NEK11: variants seen among roughly 807,000 people sequenced by gnomAD.
The protein encoded by NEK11 is NIMA related kinase 11.
A neutral mutation model predicts 80.7 loss-of-function variants in NEK11; 72 were observed. That is an observed-to-expected ratio of 0.89 (90% CI 0.74 to 1.08). The LOEUF (loss-of-function observed/expected upper bound fraction) is 1.08. Among genes scored for constraint, NEK11 ranks in the 50% least tolerant of loss-of-function variants. NEK11 has a pLI of 0.00. For synonymous variants in NEK11, 251 were observed against 260.7 expected, an observed-to-expected ratio of 0.96 and a Z score of 0.36; for missense variants, 764 against 763.6, an observed-to-expected ratio of 1.00 and a Z score of -0.01.
chr3:131,133,239 C>T (rs1032795543), intron 6 of NEK11: 3 of 454,836 alleles, frequency 6.6e-6, no homozygotes, highest in African/African-American at 2.0e-5. Context: ...GCTTTATTAA[C>T]CTTTAGTTCT....
At chr3:131,336,367 A>G (rs1312228356) in intron 17 of NEK11, among the ~76,000 whole-genome samples, 2 of 152,248 alleles carry the variant, frequency 1.3e-5, no homozygotes, top group African/African-American at 4.8e-5. Context: ...AGCAATGGAG[A>G]AAGAATTCCC....
intron 14 of NEK11, among the ~76,000 whole-genome samples, chr3:131,210,826 G>A (rs1211283405): frequency 6.6e-6 from 1 of 151,972 alleles, no homozygotes; most frequent in Non-Finnish European, 1.5e-5. Flanking sequence ...CATTTGCTTA[G>A]TAGATCTTCC....
intron 13 of NEK11, 71 bp from the exon 14 acceptor site, chr3:131,170,702 A>T: frequency 1.1e-6 from 1 of 943,226 alleles, no homozygotes; most frequent in East Asian, 2.4e-5. Flanking sequence ...AAATAAGAAT[A>T]TTTTTTTCAT....
chr3:131,240,673 AAAAACAT>A (rs538135249), intron 15 of NEK11, among the ~76,000 whole-genome samples: 17 of 152,286 alleles, frequency 1.1e-4, no homozygotes, highest in East Asian at 9.7e-4. Flanking sequence ...TGTCTGTTCT[AAAAACAT>A]AAACATTTTC....
At chr3:131,073,385 G>A (rs929397369) in intron 3 of NEK11, among the ~76,000 whole-genome samples, 1 of 152,176 alleles carries the variant, frequency 6.6e-6, no homozygotes, top group Non-Finnish European at 1.5e-5. Context: ...CTGCATGAAA[G>A]TTGTCACCAC....
intron 17 of NEK11, among the ~76,000 whole-genome samples, chr3:131,309,193 G>T (rs1325157317): frequency 6.6e-6 from 1 of 152,156 alleles, no homozygotes; most frequent in Non-Finnish European, 1.5e-5. Flanking sequence ...TCTGCTGTTT[G>T]TTTGGCCTGT....
At chr3:131,168,759 A>G in intron 12 of NEK11, 71 bp from the exon 13 acceptor site, 2 of 1,060,188 alleles carry the variant, frequency 1.9e-6, no homozygotes, top group Non-Finnish European at 2.8e-6. Flanking sequence ...TCCTGAAAGC[A>G]GCACTTCACC....
intron 14 of NEK11, among the ~76,000 whole-genome samples, chr3:131,204,277 G>C (rs536885694): frequency 1.3e-5 from 2 of 152,194 alleles, no homozygotes; most frequent in East Asian, 3.9e-4. Context: ...TTCTTTATCT[G>C]TATCCTATGT....
chr3:131,280,831 G>A (rs933731985), intron 17 of NEK11, among the ~76,000 whole-genome samples: 3 of 152,144 alleles, frequency 2.0e-5, no homozygotes, highest in Non-Finnish European at 2.9e-5. Context: ...TTTGAGCTTT[G>A]TTATGTGGGA....
intron 3 of NEK11, among the ~76,000 whole-genome samples, chr3:131,040,181 C>T (rs933192017): frequency 1.4e-4 from 21 of 152,088 alleles, no homozygotes; most frequent in African/African-American, 5.1e-4. Flanking sequence ...TTTTATTTCT[C>T]AGATACTCTT....
chr3:131,135,829 A>C (rs2085446463), intron 7 of NEK11, among the ~76,000 whole-genome samples: 1 of 152,142 alleles, frequency 6.6e-6, no homozygotes, highest in Non-Finnish European at 1.5e-5. Flanking sequence ...TATATGTAAC[A>C]AACCTGGCTC....
intron 14 of NEK11, among the ~76,000 whole-genome samples, chr3:131,192,685 A>C (rs1463496094): frequency 6.6e-6 from 1 of 152,222 alleles, no homozygotes; most frequent in Non-Finnish European, 1.5e-5. Context: ...GCCAGACACA[A>C]GGGGACAAAT....
intron 14 of NEK11, among the ~76,000 whole-genome samples, chr3:131,212,416 G>A (rs74498334): frequency 6.6e-6 from 1 of 152,180 alleles, no homozygotes; most frequent in East Asian, 1.9e-4. Flanking sequence ...GCTGGGATGT[G>A]TCTCCCAGTT....
chr3:131,192,128 A>G (rs1399885782), intron 14 of NEK11, among the ~76,000 whole-genome samples: 1 of 152,178 alleles, frequency 6.6e-6, no homozygotes. Flanking sequence ...TGGACAAAAG[A>G]TTTGAATAGA....
chr3:131,165,492 T>C lies in NEK11; in HGVS notation c.1149T>C (p.Phe383=), dbSNP rs766181123. 6.2e-7 allele frequency: 1 copy of C among 1,612,730 alleles called. No individual in the cohort carries two copies. Among genetic ancestry groups the C allele is most frequent in the Non-Finnish European group, 8.5e-7 (1 of 1,178,736 alleles). ...TGCAAGAATTGAGATCTCGGAACTT[T>C]CAGCAGCTGAGTGTTGATGTACTCC... is the stretch of plus-strand genomic sequence containing the variant. ...KRMQELRSRN[F]QQLSVDVLHE... is the part of the protein sequence containing the mutation. Residue 383 remains phenylalanine (F), a synonymous_variant, in exon 12 of 18, where the codon TTT becomes TTC. Coordinates refer to ENST00000383366, the MANE Select transcript of NEK11 (RefSeq NM_024800.5).
At chr3:131,138,349 G>A (rs941443554) in intron 7 of NEK11, among the ~76,000 whole-genome samples, 5 of 152,026 alleles carry the variant, frequency 3.3e-5, no homozygotes, top group African/African-American at 1.2e-4. Context: ...GGAAAGAGTG[G>A]GAAGGACTGT....
chr3:131,313,665 G>A lies in NEK11; in HGVS notation c.1719-35892G>A, dbSNP rs116393185. ...AAGTTTTCACTATGTTATAGACAGA[G>A]CAACACATCTGAAAATGTTCATATT... On this transcript the variant is annotated intron_variant, in intron 17 of 17. Transcript: ENST00000383366. Among the ~76,000 whole-genome samples, 1,502 of 152,144 alleles carry A rather than the reference G, an allele frequency of 9.9e-3. 21 individuals carry two copies. The highest frequency in any genetic ancestry group is 0.032 in the African/African-American group (1,343 of 41,514).
intron 14 of NEK11, among the ~76,000 whole-genome samples, chr3:131,189,239 G>A (rs1579853368): frequency 6.6e-6 from 1 of 152,118 alleles, no homozygotes; most frequent in Non-Finnish European, 1.5e-5. Flanking sequence ...AATTTCTGTT[G>A]TTTTAAGTCA....
chr3:131,334,626 A>T lies in NEK11; in HGVS notation c.1719-14931A>T, dbSNP rs527676533. 4.9e-4 allele frequency among the ~76,000 whole-genome samples: 75 copies of T among 151,940 alleles called. 1 individual carries two copies. Among genetic ancestry groups the T allele is most frequent in the Middle Eastern group, 3.4e-3 (1 of 294 alleles). On this transcript the variant is annotated intron_variant, in intron 17 of 17. Coordinates refer to ENST00000383366, the MANE Select transcript of NEK11 (RefSeq NM_024800.5). Reference sequence around the variant, plus strand: ...AAGAAATAACTAAAATCAGAGCAGAACTGAAGGAAATAGAGACACAAAAAA... The same window carrying T: ...AAGAAATAACTAAAATCAGAGCAGATCTGAAGGAAATAGAGACACAAAAAA...
Sources: gnomAD v4.1 joint callset for allele counts (sites outside exome capture counted in the v4.1 genomes callset) on GRCh38, gnomAD v4.1.1 for gene constraint, MANE v1.5 for transcripts, NCBI Gene and HGNC (gene_info 2026-07-23, HGNC 2026-07-21) for gene names.